Variants in SIAH3 observed in about 807,000 individuals in gnomAD.
SIAH3 encodes siah E3 ubiquitin protein ligase family member 3.
SIAH3 carries 9 observed loss-of-function variants against 12.6 expected under a neutral mutation model. That is an observed-to-expected ratio of 0.72 (90% CI 0.43 to 1.25). The LOEUF (loss-of-function observed/expected upper bound fraction) is 1.25. Ranked by LOEUF, SIAH3 falls within the 50% of genes most tolerant of loss-of-function variation. The pLI is 0.00. For missense variants in SIAH3, 390 were observed against 365.4 expected (o/e 1.07, Z -0.55); for synonymous variants, 154 against 151.1 (o/e 1.02, Z -0.14).
intron 1 of SIAH3, among the ~76,000 whole-genome samples, chr13:45,837,127 T>G (rs1228641824): frequency 6.6e-6 from 1 of 152,160 alleles, no homozygotes; most frequent in Non-Finnish European, 1.5e-5. Context: ...AGAAAACATC[T>G]TCCCAGCTCT....
At chr13:45,815,039 T>G (rs1950629507) in intron 1 of SIAH3, among the ~76,000 whole-genome samples, 3 of 151,820 alleles carry the variant, frequency 2.0e-5, no homozygotes, top group Non-Finnish European at 4.4e-5. Context: ...TACTTTTAAA[T>G]GACAGAAACT....
At chr13:45,841,748 G>A (rs7324814) in intron 1 of SIAH3, among the ~76,000 whole-genome samples, 4,875 of 152,288 alleles carry the variant, frequency 0.032, 256 homozygotes, top group African/African-American at 0.11. Context: ...CTGTTTGAAG[G>A]TCTGGGATAA....
chr13:45,838,857 C>G lies in SIAH3; in HGVS notation c.135+12638G>C, dbSNP rs76229596. On this transcript the variant is annotated intron_variant, in intron 1 of 1. Transcript: ENST00000400405. The stretch of plus-strand genomic sequence containing the variant: ...TCCCTCCTTTCTCTGGCTTTTGACC[C>G]GGATACATGGCTTGTAGGCATCATC... Among the ~76,000 whole-genome samples the G allele has an allele frequency of 2.0e-5, 3 of 151,950 alleles. No individual in the cohort carries two copies. In the East Asian group the frequency reaches 5.8e-4, roughly 30 times the overall value.
intron 1 of SIAH3, among the ~76,000 whole-genome samples, chr13:45,801,564 T>C (rs145751707): frequency 6.6e-6 from 1 of 152,230 alleles, no homozygotes; most frequent in African/African-American, 2.4e-5. Context: ...TTGAATATTA[T>C]ATGTTTTATA....
intron 1 of SIAH3, among the ~76,000 whole-genome samples, chr13:45,794,362 A>C (rs893214305): frequency 6.6e-6 from 1 of 152,168 alleles, no homozygotes; most frequent in East Asian, 1.9e-4. Context: ...CAGAGATACA[A>C]AGGACGTTGT....
At chr13:45,796,257 A>C (rs1950562203) in intron 1 of SIAH3, among the ~76,000 whole-genome samples, 1 of 106,852 alleles carries the variant, frequency 9.4e-6, no homozygotes, top group South Asian at 2.5e-4. Flanking sequence ...AATAGAATGG[A>C]AGAAAGAGAG....
intron 1 of SIAH3, among the ~76,000 whole-genome samples, chr13:45,838,129 G>A (rs894996438): frequency 6.6e-6 from 1 of 152,142 alleles, no homozygotes; most frequent in African/African-American, 2.4e-5. Context: ...GAGGTAAAGG[G>A]CAAGTGTCAT....
In SIAH3 at chr13:45,781,831, C is replaced by G. The variant is rs1449806238; in HGVS notation, c.*1552G>C. 3 of 152,158 alleles carry G rather than the reference C, an allele frequency of 2.0e-5. No individual in the cohort carries two copies. In the East Asian group the frequency reaches 5.8e-4, roughly 29 times the overall value. 9.4% of individuals were successfully genotyped at this position (152,158 alleles called of 1,614,324 possible). A position where few individuals can be genotyped will look rare whatever the true frequency, so the allele number is the denominator to read the frequency against. ...AATTGCAGATGGCCAGCCAGGGCAACCTGCCTGAGACTAAGTAGTCACTTG... is the reference window on the plus strand; with the variant it reads ...AATTGCAGATGGCCAGCCAGGGCAAGCTGCCTGAGACTAAGTAGTCACTTG... On this transcript the variant is annotated 3_prime_UTR_variant, in exon 2 of 2. Transcript: ENST00000400405.
At chr13:45,805,618 A>G (rs1950596175) in intron 1 of SIAH3, among the ~76,000 whole-genome samples, 1 of 152,204 alleles carries the variant, frequency 6.6e-6, no homozygotes, top group African/African-American at 2.4e-5. Context: ...CTCAAACTAT[A>G]AAAATCTTAG....
intron 1 of SIAH3, among the ~76,000 whole-genome samples, chr13:45,822,222 T>G (rs184229896): frequency 6.6e-6 from 1 of 152,126 alleles, no homozygotes; most frequent in African/African-American, 2.4e-5. Context: ...ACTGCCATGA[T>G]TCAGGAACAG....
intron 1 of SIAH3, among the ~76,000 whole-genome samples, chr13:45,846,575 T>C (rs9534236): frequency 0.28 from 42,884 of 152,148 alleles, 7,241 homozygotes; most frequent in Middle Eastern, 0.37. Flanking sequence ...TTTTTTCTTG[T>C]TGTTAATTGC....
At chr13:45,785,527 A>G (rs1252063326) in intron 1 of SIAH3, among the ~76,000 whole-genome samples, 1 of 152,230 alleles carries the variant, frequency 6.6e-6, no homozygotes, top group African/African-American at 2.4e-5. Flanking sequence ...TTCAGGACAC[A>G]CATACATGTA....
intron 1 of SIAH3, among the ~76,000 whole-genome samples, chr13:45,820,940 G>C (rs1009588367): frequency 2.6e-5 from 4 of 152,204 alleles, no homozygotes; most frequent in African/African-American, 9.7e-5. Flanking sequence ...TCCCCAGACT[G>C]TCTCCTACCA....
chr13:45,845,406 G>A (rs1164137837), intron 1 of SIAH3, among the ~76,000 whole-genome samples: 1 of 152,132 alleles, frequency 6.6e-6, no homozygotes, highest in East Asian at 1.9e-4. Context: ...TTTTTGAGCT[G>A]TCCATCAAAA....
rs1950512863 is a variant in SIAH3 at position 45,783,440 on chromosome 13, A to G, written c.753T>C (p.Leu251=). 6.2e-7 allele frequency: 1 copy of G among 1,613,944 alleles called. No individual in the cohort carries two copies. The highest frequency in any genetic ancestry group is 1.3e-5 in the African/African-American group (1 of 74,906). The change falls in exon 2 of 2, where the codon CTT becomes CTC. Residue 251 remains leucine, a synonymous_variant. Transcript: ENST00000400405. ...LAQLFSDNGS[L]AIGIAITATE... is the part of the protein sequence containing the mutation. ...TCGCGGTGATGGCAATCCCAATGGC[A>G]AGGCTGCCGTTGTCAGAGAAGAGCT...
intron 1 of SIAH3, among the ~76,000 whole-genome samples, chr13:45,788,945 G>A (rs1038760042): frequency 6.6e-6 from 1 of 152,190 alleles, no homozygotes; most frequent in Non-Finnish European, 1.5e-5. Context: ...CACACAAAGG[G>A]AGAATGAGCA....
At chr13:45,843,028 C>CTGTG (rs1340055644) in intron 1 of SIAH3, among the ~76,000 whole-genome samples, 4 of 62,838 alleles carry the variant, frequency 6.4e-5, no homozygotes, top group Admixed American at 2.5e-4. Flanking sequence ...TTCTCTCTCT[C>CTGTG]TCTCTCTGTG....
intron 1 of SIAH3, among the ~76,000 whole-genome samples, chr13:45,788,143 A>T (rs1950534208): frequency 6.6e-6 from 1 of 152,070 alleles, no homozygotes; most frequent in South Asian, 2.1e-4. Flanking sequence ...CACAACCTTA[A>T]TTTTTTATTT....
At chr13:45,787,289 G>T (rs1217896114) in intron 1 of SIAH3, among the ~76,000 whole-genome samples, 1 of 152,146 alleles carries the variant, frequency 6.6e-6, no homozygotes, top group East Asian at 1.9e-4. Flanking sequence ...GGGGCTTATG[G>T]CAGGGGGAGA....
Sources: gnomAD v4.1 joint callset for allele counts (sites outside exome capture counted in the v4.1 genomes callset) on GRCh38, gnomAD v4.1.1 for gene constraint, MANE v1.5 for transcripts, NCBI Gene and HGNC (gene_info 2026-07-23, HGNC 2026-07-21) for gene names.